MARK2: variants seen among roughly 807,000 people sequenced by gnomAD.
The protein encoded by MARK2 is serine/threonine-protein kinase MARK2.
MARK2 carries 16 observed loss-of-function variants against 89.8 expected under a neutral mutation model. The ratio of observed to expected loss-of-function variants is 0.18; its 90% CI spans 0.12 to 0.27. The LOEUF (loss-of-function observed/expected upper bound fraction) is 0.27, where lower values mean the gene tolerates loss of function less well. Among genes scored for constraint, MARK2 ranks in the 10% least tolerant of loss-of-function variants. The probability of loss-of-function intolerance (pLI) is 1.00; values close to 1 mark genes in which losing one functional copy is unlikely to be tolerated. For missense variants in MARK2, 621 were observed against 1,049.9 expected, an observed-to-expected ratio of 0.59 and a Z score of 5.65; for synonymous variants, 382 against 399.5, an observed-to-expected ratio of 0.96 and a Z score of 0.52.
At chr11:63,888,082 T>G (rs1481066202) in intron 1 of MARK2, among the ~76,000 whole-genome samples, 2 of 152,192 alleles carry the variant, frequency 1.3e-5, no homozygotes, top group African/African-American at 4.8e-5. Flanking sequence ...ATAGGGGGCT[T>G]TACAGAGTCC....
intron 1 of MARK2, among the ~76,000 whole-genome samples, chr11:63,848,544 G>A (rs933695047): frequency 1.8e-4 from 27 of 148,250 alleles, no homozygotes; most frequent in Non-Finnish European, 2.8e-4. Context: ...CAGCACACCC[G>A]GCTAATTTTT....
intron 1 of MARK2, chr11:63,888,740 C>T: frequency 8.3e-7 from 1 of 1,199,706 alleles, no homozygotes; most frequent in Non-Finnish European, 1.1e-6. Context: ...TCCAGGTTCC[C>T]AGGCAGGAAC....
chr11:63,908,007 C>T (rs1042194424), intron 17 of MARK2, among the ~76,000 whole-genome samples: 16 of 152,352 alleles, frequency 1.1e-4, no homozygotes, highest in South Asian at 6.2e-4. Flanking sequence ...TCCTTCTCCC[C>T]GGCACAGATC....
intron 1 of MARK2, among the ~76,000 whole-genome samples, chr11:63,841,564 C>A (rs1012006509): frequency 6.6e-6 from 1 of 152,198 alleles, no homozygotes; most frequent in South Asian, 2.1e-4. Flanking sequence ...GTTGCTTATT[C>A]CACCCATTTT....
intron 1 of MARK2, among the ~76,000 whole-genome samples, chr11:63,892,010 T>C (rs1440274935): frequency 6.6e-6 from 1 of 152,210 alleles, no homozygotes; most frequent in African/African-American, 2.4e-5. Flanking sequence ...CCACTTGTCT[T>C]GCAGACACTG....
intron 1 of MARK2, among the ~76,000 whole-genome samples, chr11:63,840,758 T>C (rs1283078053): frequency 2.0e-5 from 3 of 152,224 alleles, no homozygotes; most frequent in African/African-American, 7.2e-5. Context: ...ATTCTGTTCC[T>C]ATTGGCTAAG....
chr11:63,901,179 C>T (rs1940834401), intron 11 of MARK2, 110 bp downstream of exon 11: 17 of 718,334 alleles, frequency 2.4e-5, no homozygotes, highest in South Asian at 2.1e-4. Flanking sequence ...GGTGTGCTCT[C>T]TGCTCACCAA....
chr11:63,903,120 C>G lies in MARK2; in HGVS notation c.1476C>G (p.Ala492=), dbSNP rs200493130. Residue 492 remains alanine, a synonymous_variant, in exon 14 of 19, where the codon GCC becomes GCG. Transcript: ENST00000402010. This position sits in a 1 kb window ranked among gnomAD's most constrained non-coding sequence, Gnocchi z 5.1. The part of the protein sequence containing the change: ...RSRNSPLLER[A]SLGQASIQNG... Reference sequence around the variant, plus strand: ...GGAATTCCCCACTTTTGGAGCGGGCCAGCCTCGGCCAGGCCTCCATCCAGA... The same window carrying G: ...GGAATTCCCCACTTTTGGAGCGGGCGAGCCTCGGCCAGGCCTCCATCCAGA... 6.2e-7 allele frequency: 1 copy of G among 1,613,930 alleles called. No individual in the cohort carries two copies. The highest frequency in any genetic ancestry group is 2.2e-5 in the East Asian group (1 of 44,884).
intron 1 of MARK2, among the ~76,000 whole-genome samples, chr11:63,875,866 C>G (rs982547126): frequency 6.6e-6 from 1 of 152,186 alleles, no homozygotes; most frequent in African/African-American, 2.4e-5. Context: ...ACTTCCCTCC[C>G]CATACACATG....
At chr11:63,898,972 A>G (rs1274525662) in intron 6 of MARK2, 80 bp from the exon 7 acceptor site, 8 of 1,239,302 alleles carry the variant, frequency 6.5e-6, no homozygotes, top group Non-Finnish European at 9.5e-6. Flanking sequence ...GTTAGCACTA[A>G]GTCACAGGGT....
intron 1 of MARK2, among the ~76,000 whole-genome samples, chr11:63,866,647 A>G (rs1938148779): frequency 6.6e-6 from 1 of 152,172 alleles, no homozygotes; most frequent in Non-Finnish European, 1.5e-5. Flanking sequence ...TAGCTAATCC[A>G]CTATCTACTG....
At position 63,903,127 on chromosome 11, in the gene MARK2, G is replaced by A. The variant is rs1941037382; in HGVS notation, c.1483G>A (p.Gly495Ser). Residue 495 changes from glycine (G) to serine (S), a missense_variant, in exon 14 of 19, where the codon GGC becomes AGC. By Grantham distance (56) the Gly-to-Ser change is moderately conservative. Coordinates refer to ENST00000402010, the MANE Select transcript of MARK2 (RefSeq NM_001039469.3). The surrounding 1 kb of genome is among the most constrained non-coding windows in gnomAD (Gnocchi z 5.1). Reference sequence around the variant, plus strand: ...CCCACTTTTGGAGCGGGCCAGCCTCGGCCAGGCCTCCATCCAGAATGGCAA... The same window carrying A: ...CCCACTTTTGGAGCGGGCCAGCCTCAGCCAGGCCTCCATCCAGAATGGCAA... ...NSPLLERASL[G>S]QASIQNGKDS... is the part of the protein sequence containing the mutation. The A allele has an allele frequency of 1.9e-6, 3 of 1,613,812 alleles. No homozygotes were observed. Among genetic ancestry groups the A allele is most frequent in the Non-Finnish European group, 2.5e-6 (3 of 1,179,970 alleles).
intron 2 of MARK2, 38 bp from the exon 3 acceptor site, chr11:63,895,542 C>T (rs1472642103): frequency 2.5e-6 from 4 of 1,597,102 alleles, no homozygotes; most frequent in Non-Finnish European, 3.4e-6. Context: ...TTTCGCTGGT[C>T]AGAGAAGTGA....
chr11:63,856,869 G>A (rs113885828), intron 1 of MARK2, among the ~76,000 whole-genome samples: 5 of 128,602 alleles, frequency 3.9e-5, no homozygotes, highest in African/African-American at 1.5e-4. Flanking sequence ...GTGCAGTGGC[G>A]CCATCTCGGC....
intron 1 of MARK2, among the ~76,000 whole-genome samples, chr11:63,882,296 A>G (rs1009145277): frequency 6.6e-6 from 1 of 151,954 alleles, no homozygotes; most frequent in Admixed American, 6.6e-5. Flanking sequence ...TCTTTTAAAA[A>G]ATATGGGCCA....
At chr11:63,908,134 G>A in intron 17 of MARK2, 126 bp from the exon 18 acceptor site, 3 of 770,536 alleles carry the variant, frequency 3.9e-6, no homozygotes, top group Non-Finnish European at 6.6e-6. Context: ...ATGGGCAGAG[G>A]GCCCTGGGCT....
In MARK2 at chr11:63,880,502, G is replaced by A. The variant is rs369698104; in HGVS notation, c.55-14657G>A. Among the ~76,000 whole-genome samples, 16 of 152,280 alleles carry A rather than the reference G, an allele frequency of 1.1e-4. No homozygotes were observed. In the East Asian group the frequency reaches 2.1e-3, roughly 20 times the overall value. Reference sequence around the variant, plus strand: ...TAGATTCTTATACAAGTCACTGTCCGTCCCCAATTGGTAGCTCTTAGAATG... The same window carrying A: ...TAGATTCTTATACAAGTCACTGTCCATCCCCAATTGGTAGCTCTTAGAATG... On this transcript the variant is annotated intron_variant, in intron 1 of 18. Transcript: ENST00000402010.
chr11:63,901,086 C>G lies in MARK2; in HGVS notation c.1101+17C>G, dbSNP rs770229078. ...AGCTCCGAGGTGTGTGCTCCCCGCC[C>G]CATTCTCTGACCTGGCCAGCCTCAC... On this transcript the variant is annotated intron_variant, in intron 11 of 18. Coordinates refer to ENST00000402010, the MANE Select transcript of MARK2 (RefSeq NM_001039469.3). 2.0e-6 allele frequency: 3 copies of G among 1,530,816 alleles called. No individual in the cohort carries two copies. Among genetic ancestry groups the G allele is most frequent in the South Asian group, 1.1e-5 (1 of 89,360 alleles). The allele number at this position is 1,530,816 out of a possible 1,614,324, so 94.8% of individuals were successfully genotyped here. A position where few individuals can be genotyped will look rare whatever the true frequency, so the allele number is the denominator to read the frequency against.
At position 63,902,720 on chromosome 11, in the gene MARK2, A is replaced by T; in HGVS notation, c.1354A>T (p.Lys452Ter). 1 of 1,614,058 alleles carries T rather than the reference A, an allele frequency of 6.2e-7. No homozygotes were observed. Among genetic ancestry groups the T allele is most frequent in the Non-Finnish European group, 8.5e-7 (1 of 1,180,012 alleles). The change falls in exon 13 of 19, where the codon AAG becomes TAG. Residue 452 changes from lysine to a stop codon, truncating the protein, a stop_gained. Coordinates refer to ENST00000402010, the MANE Select transcript of MARK2 (RefSeq NM_001039469.3). LOFTEE classifies it high-confidence loss of function. This position sits in a 1 kb window ranked among gnomAD's most constrained non-coding sequence, Gnocchi z 4.2. ...ESGRKASSTA[K>*]VPASPLPGLE... is the part of the protein sequence containing the mutation. ...AGGGCGGAAAGCCAGCAGCACAGCC[A>T]AGGTGCCTGCCAGCCCCCTGCCCGG... is the stretch of plus-strand genomic sequence containing the variant.
Sources: gnomAD v4.1 joint callset for allele counts (sites outside exome capture counted in the v4.1 genomes callset) on GRCh38, gnomAD v4.1.1 for gene constraint, Gnocchi (gnomAD v3.1) non-coding constraint, MANE v1.5 for transcripts, NCBI Gene and HGNC (gene_info 2026-07-23, HGNC 2026-07-21) for gene names.